The following WDR43 variants were observed in gnomAD, a reference collection of about 807,000 sequenced individuals.
WDR43 encodes WD repeat-containing protein 43.
WDR43 carries 13 observed loss-of-function variants against 91.4 expected under a neutral mutation model. That is an observed-to-expected ratio of 0.14 (90% CI 0.09 to 0.23). The LOEUF is 0.23. Among genes scored for constraint, WDR43 ranks in the 10% least tolerant of loss-of-function variants. The pLI is 1.00. For missense variants in WDR43, 780 were observed against 809.4 expected (o/e 0.96, Z 0.44); for synonymous variants, 331 against 287.9 (o/e 1.15, Z -1.51).
At position 28,913,523 on chromosome 2, in the gene WDR43, T is replaced by C. The variant is rs893189050; in HGVS notation, c.607-546T>C. 1.1e-5 allele frequency: 4 copies of C among 354,082 alleles called. No homozygotes were observed. In the Admixed American group the frequency reaches 1.5e-4, roughly 13 times the overall value. The allele number at this position is 354,082 out of a possible 1,614,324, so 21.9% of individuals were successfully genotyped here. A position where few individuals can be genotyped will look rare whatever the true frequency, so the allele number is the denominator to read the frequency against. On this transcript the variant is annotated intron_variant, in intron 4 of 17. Transcript: ENST00000407426. ...AAAAGATTTTCTTAATAAAAAAGTT[T>C]TTACTATGTGATGATTATGGTAATT...
Position 28,906,562 on chromosome 2 carries a change from C to G in WDR43, c.466C>G (p.Gln156Glu), listed in dbSNP as rs754268701. 1.2e-6 allele frequency: 2 copies of G among 1,611,536 alleles called. No individual in the cohort carries two copies. Among genetic ancestry groups the G allele is most frequent in the Non-Finnish European group, 1.7e-6 (2 of 1,178,988 alleles). Reference sequence around the variant, plus strand: ...TAAACATATTGTGGAATGGAACGTACAGACATGCAAAGTAAAGTGGTGAGT... The same window carrying G: ...TAAACATATTGTGGAATGGAACGTAGAGACATGCAAAGTAAAGTGGTGAGT... ...DDKHIVEWNV[Q>E]TCKVKCKWKG... Residue 156 changes from glutamine to glutamate, a missense_variant, in exon 3 of 18, where the codon CAG becomes GAG. Transcript: ENST00000407426.
chr2:28,947,408 T>C lies in WDR43; in HGVS notation c.*629T>C, dbSNP rs116768794. 1 of 152,270 alleles carries C rather than the reference T, an allele frequency of 6.6e-6. No individual in the cohort carries two copies. The highest frequency in any genetic ancestry group is 1.5e-5 in the Non-Finnish European group (1 of 68,012). The allele number at this position is 152,270 out of a possible 1,614,324, so 9.4% of individuals were successfully genotyped here. A position where few individuals can be genotyped will look rare whatever the true frequency, so the allele number is the denominator to read the frequency against. ...TAACCACTTATTTTTGAAGCTATCA[T>C]GTGAAGTATTTTTTTAAAACAAAAC... On this transcript the variant is annotated 3_prime_UTR_variant, in exon 18 of 18. Coordinates refer to ENST00000407426, the MANE Select transcript of WDR43 (RefSeq NM_015131.3).
At chr2:28,898,020 A>C (rs1670513144) in intron 1 of WDR43, among the ~76,000 whole-genome samples, 1 of 152,176 alleles carries the variant, frequency 6.6e-6, no homozygotes, top group Non-Finnish European at 1.5e-5. Flanking sequence ...TATGTGTGTA[A>C]ACTGAGGCAG....
chr2:28,942,805 CAG>C (rs763461449), intron 16 of WDR43, among the ~76,000 whole-genome samples: 1 of 151,670 alleles, frequency 6.6e-6, no homozygotes, highest in African/African-American at 2.4e-5. Flanking sequence ...TTTGTAAAGA[CAG>C]AGTTTCACTA....
At chr2:28,933,693 C>A (rs879683964) in intron 11 of WDR43, among the ~76,000 whole-genome samples, 4 of 152,100 alleles carry the variant, frequency 2.6e-5, no homozygotes, top group Admixed American at 6.5e-5. Context: ...AGACACTTCA[C>A]AATAGAATTC....
At chr2:28,914,912 A>T (rs1670877225) in intron 5 of WDR43, among the ~76,000 whole-genome samples, 1 of 152,234 alleles carries the variant, frequency 6.6e-6, no homozygotes, top group Admixed American at 6.5e-5. Context: ...CTGGCGACAG[A>T]GCGAAACTCC....
chr2:28,901,177 G>T (rs1670572651), intron 1 of WDR43, among the ~76,000 whole-genome samples: 1 of 152,156 alleles, frequency 6.6e-6, no homozygotes, highest in Non-Finnish European at 1.5e-5. Context: ...ATATAGGCTG[G>T]TGAGCCGTAA....
chr2:28,918,621 A>G (rs963083667), intron 6 of WDR43, among the ~76,000 whole-genome samples: 11 of 152,184 alleles, frequency 7.2e-5, no homozygotes, highest in Middle Eastern at 3.4e-3. Context: ...CGCCCACCTC[A>G]GCCTCCCAAA....
intron 6 of WDR43, among the ~76,000 whole-genome samples, chr2:28,918,398 C>T (rs566773830): frequency 2.3e-4 from 35 of 151,620 alleles, no homozygotes; most frequent in East Asian, 3.9e-4. Context: ...GACGGAGTTT[C>T]GCTCTTGTTG....
At chr2:28,914,540 T>A (rs1380424197) in intron 5 of WDR43, among the ~76,000 whole-genome samples, 1 of 152,242 alleles carries the variant, frequency 6.6e-6, no homozygotes, top group East Asian at 1.9e-4. Context: ...AGTGTCTGTT[T>A]ATGGAGGGCA....
At chr2:28,895,437 C>G (rs1030393862) in intron 1 of WDR43, 9 of 152,970 alleles carry the variant, frequency 5.9e-5, no homozygotes, top group African/African-American at 7.2e-5. Context: ...TTCTCGTCCC[C>G]GTCCAGGTTG....
intron 1 of WDR43, chr2:28,895,158 C>G (rs924720409): frequency 1.7e-5 from 6 of 362,450 alleles, no homozygotes; most frequent in Non-Finnish European, 2.4e-5. Context: ...CGAGCCCTGC[C>G]GGCTGGCCCA....
rs558931427 is a variant in WDR43 at position 28,942,332 on chromosome 2, A to T, written c.1755A>T (p.Thr585=). The T allele has an allele frequency of 1.9e-6, 3 of 1,613,520 alleles. No homozygotes were observed. The Admixed American group carries it at 5.0e-5, about 27-fold the overall frequency. ...LITQVTASEK[T]KGATSPGQKA... ...TCCAGGTAACAGCATCAGAGAAGACAAAGGGAGCAACTTCCCCTGGACAGA... is the reference window on the plus strand; with the variant it reads ...TCCAGGTAACAGCATCAGAGAAGACTAAGGGAGCAACTTCCCCTGGACAGA... Residue 585 remains threonine (T), a synonymous_variant, in exon 16 of 18, where the codon ACA becomes ACT. Coordinates refer to ENST00000407426, the MANE Select transcript of WDR43 (RefSeq NM_015131.3).
At chr2:28,945,140 G>A (rs956497201) in intron 16 of WDR43, among the ~76,000 whole-genome samples, 1 of 152,114 alleles carries the variant, frequency 6.6e-6, no homozygotes, top group Non-Finnish European at 1.5e-5. Flanking sequence ...TTGGGGAATG[G>A]GCTTAGGGAG....
chr2:28,917,884 G>T lies in WDR43; in HGVS notation c.747-9G>T, dbSNP rs752269798. 3.8e-6 allele frequency: 6 copies of T among 1,562,488 alleles called. No individual in the cohort carries two copies. The East Asian group carries it at 1.4e-4, about 36-fold the overall frequency. On this transcript the variant is annotated splice_polypyrimidine_tract_variant and intron_variant, in intron 5 of 17. Coordinates refer to ENST00000407426, the MANE Select transcript of WDR43 (RefSeq NM_015131.3). ...TCTTGCTATCTAACTTGCTGGTTTTGTTATCTAGGCAGGTCCGATCAGAAA... is the reference window on the plus strand; with the variant it reads ...TCTTGCTATCTAACTTGCTGGTTTTTTTATCTAGGCAGGTCCGATCAGAAA...
At chr2:28,907,797 G>C (rs546744711) in intron 3 of WDR43, among the ~76,000 whole-genome samples, 2 of 152,084 alleles carry the variant, frequency 1.3e-5, no homozygotes, top group African/African-American at 2.4e-5. Context: ...CCAGCTACTC[G>C]GGAGGCTGAG....
chr2:28,918,206 A>G (rs781377572), intron 6 of WDR43, among the ~76,000 whole-genome samples: 5 of 152,274 alleles, frequency 3.3e-5, no homozygotes, highest in African/African-American at 4.8e-5. Context: ...ACGGTAGTAA[A>G]TTCAGGAATT....
chr2:28,910,095 G>A (rs1268834632), intron 3 of WDR43, among the ~76,000 whole-genome samples: 1 of 152,198 alleles, frequency 6.6e-6, no homozygotes, highest in Non-Finnish European at 1.5e-5. Flanking sequence ...TTTAGTAGGT[G>A]TAACTAGGTT....
In WDR43 at chr2:28,906,525, T is replaced by C; in HGVS notation, c.429T>C (p.Ser143=). The C allele has an allele frequency of 6.2e-7, 1 of 1,607,488 alleles. No homozygotes were observed. The highest frequency in any genetic ancestry group is 8.5e-7 in the Non-Finnish European group (1 of 1,177,068). ...QWHQDSGCLY[S]CSDDKHIVEW... is the part of the protein sequence containing the mutation. ...ATCAAGACAGTGGCTGTTTATATAG[T>C]TGTTCAGATGATAAACATATTGTGG... Residue 143 remains serine (S), a synonymous_variant, in exon 3 of 18, where the codon AGT becomes AGC. Coordinates refer to ENST00000407426, the MANE Select transcript of WDR43 (RefSeq NM_015131.3).
Sources: allele counts gnomAD v4.1 joint callset (sites outside exome capture counted in the v4.1 genomes callset), GRCh38; gene constraint gnomAD v4.1.1; transcripts MANE v1.5; gene names NCBI Gene and HGNC (gene_info 2026-07-23, HGNC 2026-07-21).